ATP6V1H: variants seen among roughly 807,000 people sequenced by gnomAD.
ATP6V1H encodes the protein ATPase H+ transporting V1 subunit H.
In ATP6V1H, 39 loss-of-function variants were observed where a neutral mutation model predicts 71.7. The observed-to-expected ratio is 0.54, with a 90% CI of 0.42 to 0.71. The LOEUF is 0.71. ATP6V1H is among the 30% of genes least tolerant of loss of function. The probability of loss-of-function intolerance (pLI) is 0.00; values close to 1 mark genes in which losing one functional copy is unlikely to be tolerated. For synonymous variants in ATP6V1H, 192 were observed against 199.3 expected (o/e 0.96, Z 0.31); for missense variants, 509 against 594.9 (o/e 0.86, Z 1.50).
At chr8:53,836,683 G>T (rs2130539053) in intron 2 of ATP6V1H, among the ~76,000 whole-genome samples, 1 of 152,288 alleles carries the variant, frequency 6.6e-6, no homozygotes, top group South Asian at 2.1e-4. Flanking sequence ...GCCTTCTCAA[G>T]TACATATGGG....
intron 1 of ATP6V1H, 164 bp downstream of exon 1, chr8:53,842,870 C>T (rs1336588400): frequency 6.6e-6 from 1 of 152,400 alleles, no homozygotes; most frequent in Non-Finnish European, 1.5e-5. Flanking sequence ...GCTTAATAAA[C>T]CTGGTTGAGG....
At chr8:53,811,556 C>G (rs1208589434) in intron 6 of ATP6V1H, among the ~76,000 whole-genome samples, 2 of 152,178 alleles carry the variant, frequency 1.3e-5, no homozygotes, top group Non-Finnish European at 2.9e-5. Flanking sequence ...AGTAAAATGA[C>G]TGCCTTAAAT....
rs377454954 is a variant in ATP6V1H, at chr8:53,772,087, C to T, written c.951G>A (p.Gln317=). 3.7e-5 allele frequency: 60 copies of T among 1,613,956 alleles called. No individual in the cohort carries two copies. Among genetic ancestry groups the T allele is most frequent in the Non-Finnish European group, 4.8e-5 (57 of 1,179,952 alleles). The change falls in exon 10 of 14, where the codon CAG becomes CAA. Residue 317 remains glutamine (Q), a synonymous_variant. Transcript: ENST00000359530. The part of the protein sequence containing the change: ...LAMIQCKVLK[Q]LENLEQQKYD... ...ACTTCTGCTGTTCCAAGTTCTCCAA[C>T]TGTTTCAGAACTTTGCACTGAATCA... is the stretch of plus-strand genomic sequence containing the variant.
At position 53,740,941 on chromosome 8, in the gene ATP6V1H, C is replaced by G. The variant is rs367771028; in HGVS notation, c.1391+2636G>C. Among the ~76,000 whole-genome samples, 17 of 152,288 alleles carry G rather than the reference C, an allele frequency of 1.1e-4. No homozygotes were observed. The South Asian group carries it at 3.5e-3, about 32-fold the overall frequency. ...ACAGAGATCACAGGTGAATTTTAAT[C>G]TTCCTTCATACAAAAATTTCTCTAT... On this transcript the variant is annotated intron_variant, in intron 13 of 13. Coordinates refer to ENST00000359530, the MANE Select transcript of ATP6V1H (RefSeq NM_015941.4).
intron 11 of ATP6V1H, among the ~76,000 whole-genome samples, chr8:53,767,060 G>A (rs1014937754): frequency 1.3e-5 from 2 of 152,036 alleles, no homozygotes; most frequent in African/African-American, 2.4e-5. Context: ...TCCTACCAAC[G>A]TGTGATGTCT....
chr8:53,722,843 A>C (rs1806673218), intron 13 of ATP6V1H, among the ~76,000 whole-genome samples: 2 of 152,206 alleles, frequency 1.3e-5, no homozygotes, highest in South Asian at 4.1e-4. Flanking sequence ...ATTTAAAGTT[A>C]TTTTTCATTA....
intron 13 of ATP6V1H, among the ~76,000 whole-genome samples, chr8:53,736,981 T>C (rs1255676797): frequency 6.6e-6 from 1 of 152,230 alleles, no homozygotes; most frequent in Non-Finnish European, 1.5e-5. Context: ...ATTGTGAAAC[T>C]TTCTGTTCTG....
intron 4 of ATP6V1H, among the ~76,000 whole-genome samples, chr8:53,824,215 G>A (rs906673695): frequency 7.2e-5 from 11 of 152,016 alleles, no homozygotes; most frequent in African/African-American, 2.7e-4. Flanking sequence ...TTCTGTAGAA[G>A]ACATAGAGAA....
chr8:53,829,547 T>C lies in ATP6V1H; in HGVS notation c.217-14A>G. The C allele has an allele frequency of 2.8e-6, 4 of 1,407,172 alleles. No individual in the cohort carries two copies. The East Asian group carries it at 7.0e-5, about 25-fold the overall frequency. The allele number at this position is 1,407,172 out of a possible 1,614,324, so 87.2% of individuals were successfully genotyped here. On this transcript the variant is annotated splice_polypyrimidine_tract_variant and intron_variant, in intron 3 of 13. Coordinates refer to ENST00000359530, the MANE Select transcript of ATP6V1H (RefSeq NM_015941.4). ...TGTTTTAGCACACTAAAAAAAAAAA[T>C]GAAATTAAAGTTATTGTTTTTATTT...
chr8:53,727,719 C>T (rs1806863326), intron 13 of ATP6V1H, among the ~76,000 whole-genome samples: 2 of 152,202 alleles, frequency 1.3e-5, no homozygotes, highest in South Asian at 2.1e-4. Context: ...ACATCTTACT[C>T]CTGAACTCCA....
At chr8:53,765,451 AACAACAC>A (rs1227298118) in intron 11 of ATP6V1H, among the ~76,000 whole-genome samples, 5,938 of 92,674 alleles carry the variant, frequency 0.064, 228 homozygotes, top group Admixed American at 0.1. Context: ...CAACAACAAC[AACAACAC>A]ACACACACAC....
At chr8:53,791,150 A>C (rs923544516) in intron 9 of ATP6V1H, among the ~76,000 whole-genome samples, 1 of 152,236 alleles carries the variant, frequency 6.6e-6, no homozygotes, top group Non-Finnish European at 1.5e-5. Context: ...AAATTTATTG[A>C]GTTGAAAAGA....
intron 7 of ATP6V1H, among the ~76,000 whole-genome samples, chr8:53,808,050 T>C (rs1223870663): frequency 1.3e-5 from 2 of 152,178 alleles, no homozygotes; most frequent in Non-Finnish European, 2.9e-5. Context: ...TCACTACTAG[T>C]GACACAGCAT....
At chr8:53,802,825 T>C (rs1809956430) in intron 7 of ATP6V1H, among the ~76,000 whole-genome samples, 1 of 152,148 alleles carries the variant, frequency 6.6e-6, no homozygotes, top group Non-Finnish European at 1.5e-5. Context: ...ATATGGCATA[T>C]AAAAAGTCTG....
intron 9 of ATP6V1H, among the ~76,000 whole-genome samples, chr8:53,772,998 A>G (rs987549866): frequency 2.0e-5 from 3 of 151,828 alleles, no homozygotes; most frequent in Non-Finnish European, 4.4e-5. Flanking sequence ...TTCTATCCCT[A>G]ATAATAAGGC....
intron 6 of ATP6V1H, among the ~76,000 whole-genome samples, chr8:53,811,634 A>G (rs1447268278): frequency 1.3e-5 from 2 of 152,240 alleles, no homozygotes; most frequent in Non-Finnish European, 2.9e-5. Context: ...GGAAGGTACA[A>G]TATGTGACTT....
intron 7 of ATP6V1H, 95 bp downstream of exon 7, chr8:53,811,069 T>G (rs995884583): frequency 7.6e-5 from 72 of 947,098 alleles, no homozygotes; most frequent in Admixed American, 2.9e-4. Flanking sequence ...GGATTTATAG[T>G]TGGGGAACTA....
chr8:53,836,920 C>T (rs1422296390), intron 2 of ATP6V1H, among the ~76,000 whole-genome samples: 1 of 152,100 alleles, frequency 6.6e-6, no homozygotes, highest in East Asian at 1.9e-4. Context: ...CCGGGTGGAT[C>T]ACCTGAGGTC....
intron 13 of ATP6V1H, among the ~76,000 whole-genome samples, chr8:53,735,449 A>C (rs1807170134): frequency 6.6e-6 from 1 of 152,206 alleles, no homozygotes; most frequent in South Asian, 2.1e-4. Flanking sequence ...AAAACACATA[A>C]ACTGGCACTC....
Sources: allele counts gnomAD v4.1 joint callset (sites outside exome capture counted in the v4.1 genomes callset), GRCh38; gene constraint gnomAD v4.1.1; transcripts MANE v1.5; gene names NCBI Gene and HGNC (gene_info 2026-07-23, HGNC 2026-07-21).